The following RAB11FIP5 variants were observed in gnomAD, a reference collection of about 807,000 sequenced individuals.
RAB11FIP5 encodes the protein rab11 family-interacting protein 5.
Under a neutral mutation model 85.1 loss-of-function variants are expected in RAB11FIP5, and 48 were observed. The ratio of observed to expected loss-of-function variants is 0.56; its 90% CI spans 0.45 to 0.72. RAB11FIP5 has a LOEUF of 0.72. RAB11FIP5 is among the 30% of genes least tolerant of loss of function. The pLI is 0.00. For missense variants in RAB11FIP5, 1,491 were observed against 1,687.0 expected (o/e 0.88, Z 2.04); for synonymous variants, 729 against 727.3 (o/e 1.00, Z -0.04).
intron 1 of RAB11FIP5, among the ~76,000 whole-genome samples, chr2:73,098,596 C>A (rs1684368133): frequency 6.6e-6 from 1 of 152,158 alleles, no homozygotes; most frequent in African/African-American, 2.4e-5. Context: ...GGCTCCCTGC[C>A]TCCAGAGCCC....
At chr2:73,092,317 C>T (rs1157029786) in intron 1 of RAB11FIP5, among the ~76,000 whole-genome samples, 1 of 152,216 alleles carries the variant, frequency 6.6e-6, no homozygotes, top group Non-Finnish European at 1.5e-5. Context: ...GGGCCCTCAG[C>T]CCCAGCTACT....
chr2:73,076,370 G>A (rs1001383278), intron 4 of RAB11FIP5, among the ~76,000 whole-genome samples, 188 bp from the exon 5 acceptor site: 1 of 151,974 alleles, frequency 6.6e-6, no homozygotes, highest in African/African-American at 2.4e-5. Flanking sequence ...CCCTGGGCTG[G>A]CCTCAATTCC....
rs1683814680 is a variant in RAB11FIP5, at chr2:73,074,630, T to G, written c.*891A>C. On this transcript the variant is annotated 3_prime_UTR_variant, in exon 6 of 6. Transcript: ENST00000486777. ...CACCAAAGGCACATTTTAATTGGTT[T>G]CCAAAAGTTCAAACCCTGCAGCAAC... 6.5e-6 allele frequency: 1 copy of G among 155,030 alleles called. No individual in the cohort carries two copies. Among genetic ancestry groups the G allele is most frequent in the African/African-American group, 2.4e-5 (1 of 41,432 alleles). The allele number at this position is 155,030 out of a possible 1,614,324, so 9.6% of individuals were successfully genotyped here. A position where few individuals can be genotyped will look rare whatever the true frequency, so the allele number is the denominator to read the frequency against.
chr2:73,112,786 A>C lies in RAB11FIP5; in HGVS notation c.-9T>G. On this transcript the variant is annotated 5_prime_UTR_variant, in exon 1 of 6. Coordinates refer to ENST00000486777, the MANE Select transcript of RAB11FIP5 (RefSeq NM_001371272.1). ...CCCCGCACCAGGGCCATGGCGGAGAAGCGGGGGGCGAGGTCTGGCCGAGCC... is the reference window on the plus strand; with the variant it reads ...CCCCGCACCAGGGCCATGGCGGAGACGCGGGGGGCGAGGTCTGGCCGAGCC... 6.3e-6 allele frequency: 9 copies of C among 1,420,418 alleles called. No homozygotes were observed. The highest frequency in any genetic ancestry group is 8.2e-6 in the Non-Finnish European group (9 of 1,096,440). 88.0% of individuals were successfully genotyped at this position (1,420,418 alleles called of 1,614,324 possible).
Position 73,089,454 on chromosome 2 carries a change from C to G in RAB11FIP5, c.432-139G>C. ...CTCCCCAAAGGCTCCTGCTCTGACCCATCGGCCTGGGCTTCCAGGCTTCAG... is the reference window on the plus strand; with the variant it reads ...CTCCCCAAAGGCTCCTGCTCTGACCGATCGGCCTGGGCTTCCAGGCTTCAG... On this transcript the variant is annotated intron_variant, in intron 1 of 5. Transcript: ENST00000486777. The surrounding 1 kb of genome is among the most constrained non-coding windows in gnomAD (Gnocchi z 4.6). The G allele has an allele frequency of 1.1e-6, 1 of 882,388 alleles. No individual in the cohort carries two copies. The highest frequency in any genetic ancestry group is 1.9e-6 in the Non-Finnish European group (1 of 528,742). The allele number at this position is 882,388 out of a possible 1,614,324, so 54.7% of individuals were successfully genotyped here. A position where few individuals can be genotyped will look rare whatever the true frequency, so the allele number is the denominator to read the frequency against.
Position 73,076,177 on chromosome 2 carries a change from TG to T in RAB11FIP5, c.3586del (p.His1196ThrfsTer3). Reference sequence around the variant, plus strand: ...GGCGGCACTGAGGGGCTTCACGGGGTGGGGACTGCAAAGACATACAAGAGAT... The same window carrying T: ...GGCGGCACTGAGGGGCTTCACGGGGTGGGACTGCAAAGACATACAAGAGAT... Reference protein sequence around the residue: ...AEEPQPSASPHPVKPLSAAPV... With the variant: ...AEEPQPSASPXPVKPLSAAPV... On this transcript the variant is annotated frameshift_variant, in exon 5 of 6. Transcript: ENST00000486777. LOFTEE classifies it high-confidence loss of function. The T allele has an allele frequency of 6.2e-7, 1 of 1,606,132 alleles. No individual in the cohort carries two copies. Among genetic ancestry groups the T allele is most frequent in the Non-Finnish European group, 8.5e-7 (1 of 1,174,172 alleles).
rs1426261584 is a variant in RAB11FIP5, at chr2:73,112,812, G to A, written c.-35C>T. Reference sequence around the variant, plus strand: ...GCGGGGGGCGAGGTCTGGCCGAGCCGGTGCAGACCCCAGGACCTGGTGACA... The same window carrying A: ...GCGGGGGGCGAGGTCTGGCCGAGCCAGTGCAGACCCCAGGACCTGGTGACA... On this transcript the variant is annotated 5_prime_UTR_variant, in exon 1 of 6. Coordinates refer to ENST00000486777, the MANE Select transcript of RAB11FIP5 (RefSeq NM_001371272.1). 2.1e-6 allele frequency: 3 copies of A among 1,397,772 alleles called. No homozygotes were observed. Among genetic ancestry groups the A allele is most frequent in the South Asian group, 1.6e-5 (1 of 61,808 alleles). 86.6% of individuals were successfully genotyped at this position (1,397,772 alleles called of 1,614,324 possible). A position where few individuals can be genotyped will look rare whatever the true frequency, so the allele number is the denominator to read the frequency against.
At chr2:73,100,296 T>C (rs969162810) in intron 1 of RAB11FIP5, among the ~76,000 whole-genome samples, 1 of 152,198 alleles carries the variant, frequency 6.6e-6, no homozygotes, top group African/African-American at 2.4e-5. Flanking sequence ...ACTGTATAGA[T>C]GAAATCATGT....
chr2:73,082,941 C>T (rs1366328619), intron 3 of RAB11FIP5, among the ~76,000 whole-genome samples: 2 of 152,200 alleles, frequency 1.3e-5, no homozygotes, highest in African/African-American at 2.4e-5. Flanking sequence ...GTGGCCTCAC[C>T]CTCTGCCTTC....
chr2:73,111,485 C>T (rs1341933817), intron 1 of RAB11FIP5, among the ~76,000 whole-genome samples: 5 of 152,184 alleles, frequency 3.3e-5, no homozygotes, highest in African/African-American at 1.2e-4. Flanking sequence ...CCAGCTCCTG[C>T]CCAAGCCCAA....
chr2:73,080,659 G>A lies in RAB11FIP5; in HGVS notation c.2573C>T (p.Pro858Leu), dbSNP rs1268690986. The A allele has an allele frequency of 8.1e-7, 1 of 1,232,318 alleles. No homozygotes were observed. Among genetic ancestry groups the A allele is most frequent in the East Asian group, 3.2e-5 (1 of 31,700 alleles). The allele number at this position is 1,232,318 out of a possible 1,614,324, so 76.3% of individuals were successfully genotyped here. A position where few individuals can be genotyped will look rare whatever the true frequency, so the allele number is the denominator to read the frequency against. ...SLVFRGESDE[P>L]APQVQPESPE... Reference sequence around the variant, plus strand: ...TGATTCAGGCTGCACCTGGGGAGCAGGCTCATCAGACTCTCCCCGAAAGAC... The same window carrying A: ...TGATTCAGGCTGCACCTGGGGAGCAAGCTCATCAGACTCTCCCCGAAAGAC... The change falls in exon 4 of 6, where the codon CCT (proline) becomes CTT (leucine). Residue 858 changes from proline (P) to leucine (L), a missense_variant. Pro to Leu is a moderately conservative substitution (Grantham distance 98). This residue lies in a region of RAB11FIP5 where 1,211 missense variants were observed against 1,338.0 expected (regional missense o/e 0.91). Coordinates refer to ENST00000486777, the MANE Select transcript of RAB11FIP5 (RefSeq NM_001371272.1).
chr2:73,085,184 C>T (rs1381824425), intron 3 of RAB11FIP5, among the ~76,000 whole-genome samples: 1 of 152,168 alleles, frequency 6.6e-6, no homozygotes, highest in Non-Finnish European at 1.5e-5. Flanking sequence ...CAAGCTCCTT[C>T]CGCTGCCACA....
At chr2:73,096,962 G>A (rs530906188) in intron 1 of RAB11FIP5, among the ~76,000 whole-genome samples, 1 of 152,306 alleles carries the variant, frequency 6.6e-6, no homozygotes, top group South Asian at 2.1e-4. Flanking sequence ...TCACTCATTC[G>A]AGTTAGGGCT....
At chr2:73,101,277 C>A (rs1684425051) in intron 1 of RAB11FIP5, among the ~76,000 whole-genome samples, 1 of 151,822 alleles carries the variant, frequency 6.6e-6, no homozygotes, top group Non-Finnish European at 1.5e-5. Flanking sequence ...TGGTTCCTCA[C>A]CAGGTGATAG....
rs138148538 is a variant in RAB11FIP5 at position 73,078,474 on chromosome 2, A to C, written c.3581+1177T>G. On this transcript the variant is annotated intron_variant, in intron 4 of 5. Transcript: ENST00000486777. The surrounding 1 kb of genome is among the most constrained non-coding windows in gnomAD (Gnocchi z 4.4). ...TCCCCCACATCCTCTCCCTCACCTC[A>C]AGGGAGGAGAGTCACCACCACCACC... is the stretch of plus-strand genomic sequence containing the variant. Among the ~76,000 whole-genome samples, 643 of 152,272 alleles carry C rather than the reference A, an allele frequency of 4.2e-3. 7 individuals are homozygous for C. The highest frequency in any genetic ancestry group is 0.014 in the African/African-American group (577 of 41,562).
At chr2:73,099,938 G>C (rs1223118654) in intron 1 of RAB11FIP5, among the ~76,000 whole-genome samples, 2 of 152,244 alleles carry the variant, frequency 1.3e-5, no homozygotes, top group Non-Finnish European at 2.9e-5. Context: ...AAAGCTGACT[G>C]TTGTAGGAAT....
Position 73,074,881 on chromosome 2 carries a change from C to G in RAB11FIP5, c.*640G>C, listed in dbSNP as rs1389929926. ...GTCAGGGAGCAGCCTGAAGCACACA[C>G]ATCATCCACCACTGTCCACATGGCA... On this transcript the variant is annotated 3_prime_UTR_variant, in exon 6 of 6. Coordinates refer to ENST00000486777, the MANE Select transcript of RAB11FIP5 (RefSeq NM_001371272.1). 8 of 287,882 alleles carry G rather than the reference C, an allele frequency of 2.8e-5. No homozygotes were observed. The highest frequency in any genetic ancestry group is 4.8e-5 in the Non-Finnish European group (7 of 146,018). 17.8% of individuals were successfully genotyped at this position (287,882 alleles called of 1,614,324 possible). A position where few individuals can be genotyped will look rare whatever the true frequency, so the allele number is the denominator to read the frequency against.
At chr2:73,088,010 T>C (rs1487952429) in intron 3 of RAB11FIP5, 40 bp downstream of exon 3, 1 of 1,540,380 alleles carries the variant, frequency 6.5e-7, no homozygotes, top group South Asian at 1.2e-5. Context: ...CACCCCAGCA[T>C]CCTCCCCAAG....
In RAB11FIP5 at chr2:73,075,843, G is replaced by A. The variant is rs1179739268; in HGVS notation, c.3772-119C>T. 2.8e-6 allele frequency: 4 copies of A among 1,453,024 alleles called. No homozygotes were observed. The highest frequency in any genetic ancestry group is 4.6e-5 in the East Asian group (2 of 43,788). The allele number at this position is 1,453,024 out of a possible 1,614,324, so 90.0% of individuals were successfully genotyped here. On this transcript the variant is annotated intron_variant, in intron 5 of 5. Coordinates refer to ENST00000486777, the MANE Select transcript of RAB11FIP5 (RefSeq NM_001371272.1). The surrounding 1 kb of genome is among the most constrained non-coding windows in gnomAD (Gnocchi z 4.6). ...AAGTTTCACCACCACAGGGCCCCAG[G>A]CTGCCTGTCTCCAAAGTCAGAGCCT...
Sources: allele counts gnomAD v4.1 joint callset (sites outside exome capture counted in the v4.1 genomes callset), GRCh38; gene constraint gnomAD v4.1.1; regional missense constraint gnomAD v4.1.1; non-coding constraint Gnocchi (gnomAD v3.1); transcripts MANE v1.5; gene names NCBI Gene and HGNC (gene_info 2026-07-23, HGNC 2026-07-21).